The following SLC5A4 variants were observed in gnomAD, a reference collection of about 807,000 sequenced individuals.
SLC5A4 encodes probable glucose sensor protein SLC5A4.
In SLC5A4, 55 loss-of-function variants were observed where a neutral mutation model predicts 70.3. The ratio of observed to expected loss-of-function variants is 0.78; its 90% confidence interval spans 0.63 to 0.98. SLC5A4 has a LOEUF of 0.98. Among genes scored for constraint, SLC5A4 ranks in the 50% least tolerant of loss-of-function variants. The probability of loss-of-function intolerance (pLI) is 0.00; values close to 1 mark genes in which losing one functional copy is unlikely to be tolerated. For synonymous variants in SLC5A4, 268 were observed against 305.7 expected (o/e 0.88, Z 1.29); for missense variants, 735 against 839.2 (o/e 0.88, Z 1.53).
chr22:32,303,499 G>A, the SLC5A4 span, among the ~76,000 whole-genome samples: 3 of 152,344 alleles, frequency 2.0e-5, no homozygotes, highest in Non-Finnish European at 4.4e-5. Flanking sequence ...TGTCTCATGT[G>A]AGCAGAAGGA....
chr22:32,334,645 T>C, the SLC5A4 span, among the ~76,000 whole-genome samples: 1 of 152,084 alleles, frequency 6.6e-6, no homozygotes, highest in African/African-American at 2.4e-5. Flanking sequence ...CTCTCCCATC[T>C]CGACAACCCT....
chr22:32,225,600 T>G, intron 12 of SLC5A4, 55 bp downstream of exon 12: 2 of 1,187,622 alleles, frequency 1.7e-6, no homozygotes, highest in Non-Finnish European at 2.4e-6. Flanking sequence ...CCCAGTGAAA[T>G]AAACGATTTT....
chr22:32,221,005 C>A lies in SLC5A4; in HGVS notation c.1683G>T (p.Trp561Cys). ...GCTCCTCTGTACTGTTCCGAAGAAC[C>A]CAGCACAGGCGGTACAGCTGAACAG... ...IPDVHLYRLC[W>C]VLRNSTEERI... The change falls in exon 14 of 15, where the codon TGG becomes TGT. Residue 561 changes from tryptophan (W) to cysteine (C), a missense_variant. Trp to Cys is a radical substitution (Grantham distance 215). Transcript: ENST00000266086. 6.2e-7 allele frequency: 1 copy of A among 1,613,400 alleles called. No homozygotes were observed. Among genetic ancestry groups the A allele is most frequent in the Non-Finnish European group, 8.5e-7 (1 of 1,179,406 alleles).
At chr22:32,267,862 C>T in the SLC5A4 span, among the ~76,000 whole-genome samples, 4 of 152,192 alleles carry the variant, frequency 2.6e-5, no homozygotes, top group African/African-American at 7.2e-5. Flanking sequence ...TGGTGGCTCA[C>T]GCCTGTAATC....
the SLC5A4 span, chr22:32,272,992 C>T: frequency 1.8e-6 from 1 of 541,074 alleles, no homozygotes; most frequent in African/African-American, 1.9e-5. Context: ...GGGAGCTGCT[C>T]AACCGCTACC....
chr22:32,338,153 C>T, the SLC5A4 span, among the ~76,000 whole-genome samples: 3 of 152,088 alleles, frequency 2.0e-5, no homozygotes, highest in Non-Finnish European at 2.9e-5. Flanking sequence ...GATTTCAAGT[C>T]AGTTAAAAAT....
chr22:32,348,456 C>T, the SLC5A4 span, among the ~76,000 whole-genome samples: 9 of 152,102 alleles, frequency 5.9e-5, no homozygotes, highest in African/African-American at 2.2e-4. Flanking sequence ...GGAGTGCCTC[C>T]CAGTGGAGGC....
chr22:32,335,624 C>T, the SLC5A4 span, among the ~76,000 whole-genome samples: 1 of 152,210 alleles, frequency 6.6e-6, no homozygotes, highest in East Asian at 1.9e-4. Context: ...TGCCCAAGGA[C>T]ACACAGCTGG....
rs143402359 is a variant in SLC5A4, at chr22:32,234,623, C to T, written c.885+250G>A. 4.1e-3 allele frequency among the ~76,000 whole-genome samples: 631 copies of T among 152,088 alleles called. 1 individual carries two copies. The highest frequency in any genetic ancestry group is 0.014 in the African/African-American group (573 of 41,504). ...CTGAGGCAGGAGAATCACCTGAACC[C>T]GGGAGGTGGAGGTTGCAGTGAGCTG... On this transcript the variant is annotated intron_variant, in intron 8 of 14. Transcript: ENST00000266086.
the SLC5A4 span, among the ~76,000 whole-genome samples, chr22:32,332,249 T>TG: frequency 1.3e-5 from 2 of 152,222 alleles, no homozygotes; most frequent in African/African-American, 2.4e-5. Context: ...CATCTCACCA[T>TG]GGCCCTGCAC....
the SLC5A4 span, among the ~76,000 whole-genome samples, chr22:32,335,709 C>G: frequency 6.6e-6 from 1 of 152,206 alleles, no homozygotes; most frequent in Non-Finnish European, 1.5e-5. Context: ...CCAGCTGCAG[C>G]ACCCAGCGAT....
chr22:32,266,051 A>T, the SLC5A4 span, among the ~76,000 whole-genome samples: 2 of 152,210 alleles, frequency 1.3e-5, no homozygotes, highest in Admixed American at 6.5e-5. Flanking sequence ...GAAACACTTG[A>T]TCAGGGCATT....
chr22:32,345,953 A>G, the SLC5A4 span, among the ~76,000 whole-genome samples: 1 of 152,204 alleles, frequency 6.6e-6, no homozygotes, highest in Admixed American at 6.5e-5. Flanking sequence ...TTTCTCCAAG[A>G]AAAGGCTAAA....
chr22:32,343,345 A>G, the SLC5A4 span, among the ~76,000 whole-genome samples: 4 of 152,188 alleles, frequency 2.6e-5, no homozygotes, highest in Non-Finnish European at 4.4e-5. Context: ...CAGCTGACAT[A>G]TCTCCTTGCC....
the SLC5A4 span, among the ~76,000 whole-genome samples, chr22:32,289,793 A>C: frequency 6.6e-5 from 10 of 152,224 alleles, no homozygotes; most frequent in African/African-American, 2.4e-4. Context: ...ATTCCTGTTC[A>C]TATACCTGAT....
chr22:32,279,802 T>C, the SLC5A4 span, among the ~76,000 whole-genome samples: 1 of 152,098 alleles, frequency 6.6e-6, no homozygotes, highest in Non-Finnish European at 1.5e-5. Flanking sequence ...CTCCTCAACA[T>C]GTCTGCCCTC....
At chr22:32,320,470 G>A in the SLC5A4 span, among the ~76,000 whole-genome samples, 1 of 152,302 alleles carries the variant, frequency 6.6e-6, no homozygotes, top group South Asian at 2.1e-4. Flanking sequence ...TCCATCAGCA[G>A]GATGCCAGGT....
intron 12 of SLC5A4, among the ~76,000 whole-genome samples, chr22:32,224,892 T>A (rs1198328579): frequency 6.6e-6 from 1 of 152,248 alleles, no homozygotes; most frequent in Non-Finnish European, 1.5e-5. Context: ...CTCTTGATAA[T>A]TTATTTCTGT....
the SLC5A4 span, among the ~76,000 whole-genome samples, chr22:32,304,296 T>C: frequency 6.6e-6 from 1 of 152,100 alleles, no homozygotes; most frequent in Non-Finnish European, 1.5e-5. Flanking sequence ...ATGGCTATTT[T>C]TGTGGGGTTT....
Sources: gnomAD v4.1 joint callset for allele counts (sites outside exome capture counted in the v4.1 genomes callset) on GRCh38, gnomAD v4.1.1 for gene constraint, MANE v1.5 for transcripts, NCBI Gene and HGNC (gene_info 2026-07-23, HGNC 2026-07-21) for gene names.